DNAH9: variants seen among roughly 807,000 people sequenced by gnomAD.
The protein encoded by DNAH9 is DNAH9 variant protein.
Under a neutral mutation model 471.6 loss-of-function variants are expected in DNAH9, and 345 were observed. That is an observed-to-expected ratio of 0.73 (90% CI 0.67 to 0.80). The LOEUF is 0.80. Ranked by LOEUF, DNAH9 falls within the 30% of genes least tolerant of loss-of-function variation. The pLI, the probability that DNAH9 is intolerant of heterozygous loss-of-function variation, is 0.00. For missense variants in DNAH9, 5,407 were observed against 5,609.2 expected (o/e 0.96, Z 1.15); for synonymous variants, 2,093 against 2,123.6 (o/e 0.99, Z 0.40).
intron 12 of DNAH9, among the ~76,000 whole-genome samples, chr17:11,648,526 G>T (rs1271346797): frequency 1.3e-5 from 2 of 152,166 alleles, no homozygotes; most frequent in Admixed American, 1.3e-4. Context: ...TTACTATATA[G>T]TAATTAAGTC....
intron 57 of DNAH9, among the ~76,000 whole-genome samples, chr17:11,890,402 A>T (rs1973011577): frequency 6.6e-6 from 1 of 152,238 alleles, no homozygotes; most frequent in Non-Finnish European, 1.5e-5. Flanking sequence ...GAAAGACTGC[A>T]AAGCCTTTGT....
intron 36 of DNAH9, among the ~76,000 whole-genome samples, chr17:11,767,513 A>G (rs1968003587): frequency 6.6e-6 from 1 of 152,206 alleles, no homozygotes; most frequent in South Asian, 2.1e-4. Flanking sequence ...AGTTGTTACC[A>G]TGTGCCCAGC....
At chr17:11,891,682 TG>T in intron 57 of DNAH9, 94 bp from the exon 58 acceptor site, 1 of 1,445,514 alleles carries the variant, frequency 6.9e-7, no homozygotes, top group Non-Finnish European at 9.3e-7. Flanking sequence ...AAAATTTCTA[TG>T]GGCTGGAAAA....
intron 1 of DNAH9, among the ~76,000 whole-genome samples, chr17:11,603,172 T>C (rs925143398): frequency 5.9e-5 from 9 of 152,232 alleles, no homozygotes; most frequent in Non-Finnish European, 1.3e-4. Flanking sequence ...GGGCTCCTCT[T>C]TAAATACACG....
At chr17:11,602,999 A>G (rs1394714948) in intron 1 of DNAH9, among the ~76,000 whole-genome samples, 1 of 152,154 alleles carries the variant, frequency 6.6e-6, no homozygotes. Flanking sequence ...TTTGAGTGCC[A>G]TGCTCCTTCA....
intron 61 of DNAH9, among the ~76,000 whole-genome samples, chr17:11,912,879 T>G (rs146396624): frequency 0.011 from 1,707 of 152,236 alleles, 33 homozygotes; most frequent in African/African-American, 0.038. Flanking sequence ...TTTTTAAAGA[T>G]TTTGTAGGCC....
At chr17:11,833,665 A>G (rs1020720512) in intron 48 of DNAH9, among the ~76,000 whole-genome samples, 4 of 152,210 alleles carry the variant, frequency 2.6e-5, no homozygotes, top group African/African-American at 4.8e-5. Context: ...TCTTCCTGCA[A>G]TATTACTAGA....
Position 11,744,924 on chromosome 17 carries a change from C to T in DNAH9, c.6239C>T (p.Pro2080Leu), listed in dbSNP as rs2075496052. ...CGCTCCTTGCGGGATTTCAACATCC[C>T]CAAGATTGTGACTGATGACATGCCC... ...LMRSLRDFNI[P>L]KIVTDDMPIF... Residue 2080 changes from proline (P) to leucine (L), a missense_variant, in exon 31 of 69, where the codon CCC becomes CTC. By Grantham distance (98) the Pro-to-Leu change is moderately conservative. Around this residue, in one of 3 missense-constraint regions of DNAH9, gnomAD observed 4,636 missense variants for 4,900.3 expected, o/e 0.95. Transcript: ENST00000262442. 3 of 1,614,124 alleles carry T rather than the reference C, an allele frequency of 1.9e-6. No homozygotes were observed. Among genetic ancestry groups the T allele is most frequent in the Non-Finnish European group, 2.5e-6 (3 of 1,180,024 alleles).
Position 11,646,961 on chromosome 17 carries a change from C to T in DNAH9, c.1971-111C>T, listed in dbSNP as rs116620910. On this transcript the variant is annotated intron_variant, in intron 11 of 68. Transcript: ENST00000262442. ...GGTTACTCTCAGAAGCTGACCCAGC[C>T]TGGTTGGGTCAATGACTAGTAGTAT... 3,288 of 1,087,026 alleles carry T rather than the reference C, an allele frequency of 3.0e-3. 85 individuals carry two copies. The African/African-American group carries it at 0.048, about 16-fold the overall frequency. 67.3% of individuals were successfully genotyped at this position (1,087,026 alleles called of 1,614,324 possible).
At chr17:11,954,868 C>A (rs373745340) in intron 67 of DNAH9, among the ~76,000 whole-genome samples, 1 of 151,332 alleles carries the variant, frequency 6.6e-6, no homozygotes, top group South Asian at 2.1e-4. Flanking sequence ...ATGGTCTCCA[C>A]AGATGGTAAA....
chr17:11,681,657 C>T (rs945320388), intron 19 of DNAH9, among the ~76,000 whole-genome samples: 1 of 152,112 alleles, frequency 6.6e-6, no homozygotes, highest in African/African-American at 2.4e-5. Flanking sequence ...TGGGTCTCCT[C>T]TATATTGTTG....
chr17:11,646,774 G>A (rs571967321), intron 11 of DNAH9, among the ~76,000 whole-genome samples: 11 of 152,258 alleles, frequency 7.2e-5, no homozygotes, highest in African/African-American at 1.4e-4. Context: ...TTAGCCAGGC[G>A]TGGTGGCACA....
intron 19 of DNAH9, among the ~76,000 whole-genome samples, chr17:11,682,770 G>A (rs1363161529): frequency 3.3e-5 from 5 of 152,142 alleles, no homozygotes; most frequent in Admixed American, 6.5e-5. Context: ...TAAGCTCCAG[G>A]AATTCCAATG....
chr17:11,851,094 T>TGTTGTTG (rs139397279), intron 49 of DNAH9, among the ~76,000 whole-genome samples: 2 of 147,954 alleles, frequency 1.4e-5, no homozygotes, highest in East Asian at 2.0e-4. Context: ...TTGAGGTTGT[T>TGTTGTTG]TTGTTGTTGT....
At chr17:11,729,652 A>AG (rs1045256646) in intron 28 of DNAH9, among the ~76,000 whole-genome samples, 2 of 150,856 alleles carry the variant, frequency 1.3e-5, no homozygotes, top group African/African-American at 4.9e-5. Flanking sequence ...TGCGGGATTG[A>AG]GGGGAGGGTG....
In DNAH9 at chr17:11,793,536, T is replaced by C. The variant is rs1284129598; in HGVS notation, c.8095T>C (p.Ser2699Pro). ...ILFSSVECVKSTWDLIRLYLH... is the reference protein window; with the variant it reads ...ILFSSVECVKPTWDLIRLYLH... Reference sequence around the variant, plus strand: ...CTTCTCCTCAGTGGAATGTGTGAAATCCACATGGGATCTTATAAGGCTCTA... The same window carrying C: ...CTTCTCCTCAGTGGAATGTGTGAAACCCACATGGGATCTTATAAGGCTCTA... The change falls in exon 42 of 69, where the codon TCC (serine) becomes CCC (proline). Residue 2699 changes from serine to proline, a missense_variant. By Grantham distance (74) the Ser-to-Pro change is moderately conservative (BLOSUM62 -1). Coordinates refer to ENST00000262442, the MANE Select transcript of DNAH9 (RefSeq NM_001372.4). 6.2e-7 allele frequency: 1 copy of C among 1,613,712 alleles called. No homozygotes were observed. Among genetic ancestry groups the C allele is most frequent in the South Asian group, 1.1e-5 (1 of 90,892 alleles).
intron 22 of DNAH9, among the ~76,000 whole-genome samples, chr17:11,695,621 G>T (rs1242916629): frequency 1.3e-5 from 2 of 152,244 alleles, no homozygotes; most frequent in Non-Finnish European, 2.9e-5. Context: ...AATTGAAGCA[G>T]TGTTGGTATT....
In DNAH9 at chr17:11,941,739, G is replaced by GA. The variant is rs1491196469; in HGVS notation, c.12661-564_12661-563insA. ...AGATAGATAGATAGATAGATAGATA[G>GA]TGATAGATTAGATAGATGGATAGAT... On this transcript the variant is annotated intron_variant, in intron 66 of 68. Transcript: ENST00000262442. Among the ~76,000 whole-genome samples, 630 of 149,812 alleles carry GA rather than the reference G, an allele frequency of 4.2e-3. 5 individuals are homozygous for GA. The highest frequency in any genetic ancestry group is 0.014 in the African/African-American group (589 of 40,786).
chr17:11,894,140 A>T (rs1973150550), intron 58 of DNAH9, among the ~76,000 whole-genome samples: 3 of 152,208 alleles, frequency 2.0e-5, no homozygotes, highest in Admixed American at 6.5e-5. Context: ...ACCAAGATAT[A>T]GTCACTCGCT....
Sources: gnomAD v4.1 joint callset for allele counts (sites outside exome capture counted in the v4.1 genomes callset) on GRCh38, gnomAD v4.1.1 for gene constraint, gnomAD v4.1.1 regional missense constraint, MANE v1.5 for transcripts, NCBI Gene and HGNC (gene_info 2026-07-23, HGNC 2026-07-21) for gene names.